CDH12: variants seen among roughly 807,000 people sequenced by gnomAD.
The protein encoded by CDH12 is cadherin-12.
CDH12 carries 41 observed loss-of-function variants against 74.1 expected under a neutral mutation model. The ratio of observed to expected loss-of-function variants is 0.55; its 90% confidence interval spans 0.43 to 0.72. The LOEUF is 0.72. CDH12 is among the 30% of genes least tolerant of loss of function. The pLI is 0.00. For synonymous variants in CDH12, 399 were observed against 355.0 expected (o/e 1.12, Z -1.39); for missense variants, 945 against 977.2 (o/e 0.97, Z 0.44).
chr5:22,691,155 T>C (rs936004555), intron 1 of CDH12, among the ~76,000 whole-genome samples: 3 of 152,192 alleles, frequency 2.0e-5, no homozygotes, highest in African/African-American at 7.2e-5. Flanking sequence ...TAGCTAAACA[T>C]GTAACACTTC....
chr5:21,910,110 C>T (rs1753800263), intron 6 of CDH12, among the ~76,000 whole-genome samples: 3 of 152,180 alleles, frequency 2.0e-5, no homozygotes, highest in African/African-American at 7.2e-5. Flanking sequence ...CCATTTAGCA[C>T]TCAGGCCACC....
In CDH12 at chr5:22,117,491, AT is replaced by A. The variant is rs1561129087; in HGVS notation, c.-186-38630del. Among the ~76,000 whole-genome samples, 15 of 64,150 alleles carry A rather than the reference AT, an allele frequency of 2.3e-4. 1 individual carries two copies. Among genetic ancestry groups the A allele is most frequent in the Non-Finnish European group, 3.0e-4 (11 of 36,136 alleles). 42.1% of individuals were successfully genotyped at this position (64,150 alleles called of 152,430 possible). A position where few individuals can be genotyped will look rare whatever the true frequency, so the allele number is the denominator to read the frequency against. ...ATAATATATATATTATATATATATTATATATATATAATATATATATAATATA... is the reference window on the plus strand; with the variant it reads ...ATAATATATATATTATATATATATTAATATATATAATATATATATAATATA... On this transcript the variant is annotated intron_variant, in intron 4 of 14. Coordinates refer to ENST00000382254, the MANE Select transcript of CDH12 (RefSeq NM_004061.5).
intron 6 of CDH12, among the ~76,000 whole-genome samples, chr5:21,937,374 G>A (rs1015332662): frequency 1.3e-5 from 2 of 152,110 alleles, no homozygotes; most frequent in Non-Finnish European, 2.9e-5. Context: ...CCAGAGAAGA[G>A]AGAGAATATA....
At chr5:22,851,199 C>G (rs1268540764) in intron 1 of CDH12, among the ~76,000 whole-genome samples, 1 of 151,992 alleles carries the variant, frequency 6.6e-6, no homozygotes, top group African/African-American at 2.4e-5. Flanking sequence ...ACACTCCCTC[C>G]CCCTCCCCCC....
chr5:22,807,554 A>T (rs949286120), intron 1 of CDH12, among the ~76,000 whole-genome samples: 1 of 152,204 alleles, frequency 6.6e-6, no homozygotes, highest in Non-Finnish European at 1.5e-5. Flanking sequence ...AGGCAATTTC[A>T]TCATCATGGA....
At chr5:22,745,409 G>T (rs142093376) in intron 1 of CDH12, among the ~76,000 whole-genome samples, 2 of 152,170 alleles carry the variant, frequency 1.3e-5, no homozygotes, top group East Asian at 3.9e-4. Context: ...CAGCAATCCT[G>T]TTACTGGGTA....
At chr5:22,283,251 T>TGC (rs1554027675) in intron 3 of CDH12, among the ~76,000 whole-genome samples, 2 of 102,064 alleles carry the variant, frequency 2.0e-5, no homozygotes, top group African/African-American at 8.2e-5. Context: ...TATATATATA[T>TGC]ACACACACAC....
chr5:22,163,300 T>A (rs1409915812), intron 4 of CDH12, among the ~76,000 whole-genome samples: 2 of 152,214 alleles, frequency 1.3e-5, no homozygotes, highest in African/African-American at 4.8e-5. Flanking sequence ...CTCAATATGA[T>A]GACCACTTCC....
chr5:22,799,087 G>A (rs537292061), intron 1 of CDH12, among the ~76,000 whole-genome samples: 15 of 152,042 alleles, frequency 9.9e-5, no homozygotes, highest in Middle Eastern at 3.4e-3. Context: ...ATTGCACACC[G>A]GCCTGGGTGA....
At chr5:22,848,767 A>G (rs756175855) in intron 1 of CDH12, among the ~76,000 whole-genome samples, 1 of 152,170 alleles carries the variant, frequency 6.6e-6, no homozygotes, top group Non-Finnish European at 1.5e-5. Flanking sequence ...ATGGGTACAC[A>G]TTTCTTGGCT....
chr5:22,611,236 A>G (rs1737382341), intron 1 of CDH12, among the ~76,000 whole-genome samples: 2 of 152,130 alleles, frequency 1.3e-5, no homozygotes, highest in South Asian at 4.1e-4. Context: ...CCAATTTTAT[A>G]CACACTTAAA....
chr5:22,135,330 T>G (rs1349971388), intron 4 of CDH12, among the ~76,000 whole-genome samples: 1 of 151,980 alleles, frequency 6.6e-6, no homozygotes, highest in Non-Finnish European at 1.5e-5. Context: ...TAGGTCCATT[T>G]TTAAGTGTAT....
intron 2 of CDH12, among the ~76,000 whole-genome samples, chr5:22,470,449 C>T (rs1348431221): frequency 1.4e-5 from 2 of 143,156 alleles, no homozygotes; most frequent in East Asian, 2.0e-4. Flanking sequence ...CAGGGTCTCA[C>T]TGTTTGTTGC....
chr5:22,728,288 C>A (rs1309084447), intron 1 of CDH12, among the ~76,000 whole-genome samples: 3 of 151,652 alleles, frequency 2.0e-5, no homozygotes, highest in Non-Finnish European at 2.9e-5. Flanking sequence ...TGAATCACTG[C>A]CAAAATTTTT....
At chr5:22,457,432 T>G (rs1440422286) in intron 2 of CDH12, among the ~76,000 whole-genome samples, 2 of 151,948 alleles carry the variant, frequency 1.3e-5, no homozygotes, top group Non-Finnish European at 2.9e-5. Context: ...TTCATTTTTT[T>G]TTTTTGAGAT....
intron 6 of CDH12, 127 bp from the exon 7 acceptor site, chr5:21,854,917 G>T: frequency 1.5e-6 from 1 of 684,348 alleles, no homozygotes; most frequent in Non-Finnish European, 2.4e-6. Flanking sequence ...AGTACATGAT[G>T]TCACTGAGGA....
chr5:22,322,822 C>T (rs189272020), intron 3 of CDH12, among the ~76,000 whole-genome samples: 1 of 152,226 alleles, frequency 6.6e-6, no homozygotes, highest in East Asian at 1.9e-4. Flanking sequence ...AATTCTGGGG[C>T]AATGAGCCCT....
At chr5:21,784,376 T>TA in intron 10 of CDH12, among the ~76,000 whole-genome samples, 1 of 152,002 alleles carries the variant, frequency 6.6e-6, no homozygotes, top group East Asian at 1.9e-4. Context: ...ACATTGAGAA[T>TA]AAAAAATGTC....
chr5:22,461,495 C>A (rs1263714577), intron 2 of CDH12, among the ~76,000 whole-genome samples: 21 of 143,332 alleles, frequency 1.5e-4, no homozygotes, highest in East Asian at 4.1e-4. Context: ...AAAAAAAAAA[C>A]CTGCATTCAT....
Sources: allele counts gnomAD v4.1 joint callset (sites outside exome capture counted in the v4.1 genomes callset), GRCh38; gene constraint gnomAD v4.1.1; transcripts MANE v1.5; gene names NCBI Gene and HGNC (gene_info 2026-07-23, HGNC 2026-07-21).